PREX2: variants seen among roughly 807,000 people sequenced by gnomAD.
PREX2 encodes the protein phosphatidylinositol 3,4,5-trisphosphate-dependent Rac exchanger 2 protein.
In PREX2, 107 loss-of-function variants were observed where a neutral mutation model predicts 203.2. The ratio of observed to expected loss-of-function variants is 0.53; its 90% CI spans 0.45 to 0.62. The LOEUF is 0.62. Ranked by LOEUF, PREX2 falls within the 20% of genes least tolerant of loss-of-function variation. PREX2 has a pLI of 0.00. For missense variants in PREX2, 1,777 were observed against 1,955.9 expected (o/e 0.91, Z 1.72); for synonymous variants, 672 against 663.6 (o/e 1.01, Z -0.19).
intron 15 of PREX2, among the ~76,000 whole-genome samples, 161 bp from the exon 16 acceptor site, chr8:68,080,282 G>GAGAA (rs1554574472): frequency 2.0e-5 from 3 of 150,728 alleles, no homozygotes; most frequent in Non-Finnish European, 3.0e-5. Flanking sequence ...TATAGAAAGA[G>GAGAA]AAAAAAAACA....
intron 10 of PREX2, among the ~76,000 whole-genome samples, chr8:68,059,523 T>A (rs1808781223): frequency 6.6e-6 from 1 of 152,224 alleles, no homozygotes; most frequent in Admixed American, 6.5e-5. Flanking sequence ...TACCAAGTAA[T>A]TTAACATTTT....
intron 16 of PREX2, 24 bp from the exon 17 acceptor site, chr8:68,080,719 CAAT>C (rs753131900): frequency 6.7e-7 from 1 of 1,492,504 alleles, no homozygotes; most frequent in Admixed American, 2.0e-5. Context: ...GTTGCTTTAT[CAAT>C]AATGTTAATA....
chr8:68,077,869 GACT>G (rs1157165644), intron 15 of PREX2, among the ~76,000 whole-genome samples: 1 of 152,072 alleles, frequency 6.6e-6, no homozygotes, highest in Admixed American at 6.5e-5. Flanking sequence ...ATATGTGGTT[GACT>G]ACTGTTATTT....
intron 35 of PREX2, among the ~76,000 whole-genome samples, chr8:68,170,396 C>T (rs545780891): frequency 7.9e-5 from 12 of 152,316 alleles, no homozygotes; most frequent in East Asian, 3.9e-4. Flanking sequence ...GTAGTGAAGC[C>T]GGCCAAGGCC....
chr8:68,038,090 T>C (rs1808087753), intron 6 of PREX2, 69 bp from the exon 7 acceptor site: 3 of 1,498,902 alleles, frequency 2.0e-6, no homozygotes, highest in Non-Finnish European at 2.7e-6. Flanking sequence ...TAATTGTAAG[T>C]CGAAAAATAA....
At chr8:68,151,775 C>A (rs894584865) in intron 34 of PREX2, among the ~76,000 whole-genome samples, 2 of 148,656 alleles carry the variant, frequency 1.3e-5, no homozygotes, top group Non-Finnish European at 3.0e-5. Context: ...TTTTTTTTAA[C>A]CTCCTATGAA....
intron 1 of PREX2, among the ~76,000 whole-genome samples, chr8:67,969,080 G>C (rs1281448988): frequency 6.6e-6 from 1 of 152,190 alleles, no homozygotes; most frequent in African/African-American, 2.4e-5. Context: ...TTGTCGTGTG[G>C]CTGGGGTCAC....
intron 1 of PREX2, among the ~76,000 whole-genome samples, chr8:67,975,205 G>A (rs1806040369): frequency 6.6e-6 from 1 of 151,534 alleles, no homozygotes; most frequent in Non-Finnish European, 1.5e-5. Flanking sequence ...CCTCTAGTCG[G>A]GGCCTCTCAG....
In PREX2 at chr8:68,217,657, C is replaced by A. The variant is rs1247043509; in HGVS notation, c.4646C>A (p.Ala1549Asp). ...ACGCTGGAGCAAGCCATCATTCTGG[C>A]CAGAAGCCACGGACTGCCACCTCGT... ...SVTLEQAIIL[A>D]RSHGLPPRYI... is the part of the protein sequence containing the mutation. The change falls in exon 38 of 40, where the codon GCC becomes GAC. Residue 1549 changes from alanine (A) to aspartate (D), a missense_variant. Transcript: ENST00000288368. The A allele has an allele frequency of 4.3e-6, 7 of 1,614,136 alleles. No individual in the cohort carries two copies. Among genetic ancestry groups the A allele is most frequent in the Non-Finnish European group, 5.9e-6 (7 of 1,180,002 alleles).
intron 33 of PREX2, among the ~76,000 whole-genome samples, chr8:68,144,388 A>G (rs1490826173): frequency 6.6e-6 from 1 of 152,094 alleles, no homozygotes; most frequent in African/African-American, 2.4e-5. Flanking sequence ...AGTTTTCCTT[A>G]TATAGATCTT....
At chr8:68,000,655 A>G (rs1342875911) in intron 1 of PREX2, among the ~76,000 whole-genome samples, 2 of 152,360 alleles carry the variant, frequency 1.3e-5, no homozygotes, top group East Asian at 3.9e-4. Flanking sequence ...ATACTAAGCA[A>G]AAAGAACAAA....
At position 68,172,935 on chromosome 8, in the gene PREX2, G is replaced by C. The variant is rs138305405; in HGVS notation, c.4346+15499G>C. Among the ~76,000 whole-genome samples, 63 of 152,298 alleles carry C rather than the reference G, an allele frequency of 4.1e-4. 1 individual carries two copies. Among genetic ancestry groups the C allele is most frequent in the African/African-American group, 1.3e-3 (56 of 41,572 alleles). On this transcript the variant is annotated intron_variant, in intron 35 of 39. Coordinates refer to ENST00000288368, the MANE Select transcript of PREX2 (RefSeq NM_024870.4). ...TCAAATAGTGTGATTATTTACGACTGATTTCAAATGTATCTTCTTGCAGAA... is the reference window on the plus strand; with the variant it reads ...TCAAATAGTGTGATTATTTACGACTCATTTCAAATGTATCTTCTTGCAGAA...
intron 21 of PREX2, among the ~76,000 whole-genome samples, chr8:68,094,497 T>C (rs1392053116): frequency 2.0e-5 from 3 of 152,218 alleles, no homozygotes; most frequent in Non-Finnish European, 4.4e-5. Context: ...TACATTTATG[T>C]CTGCAATTGA....
At chr8:68,035,606 G>C (rs919227840) in intron 6 of PREX2, among the ~76,000 whole-genome samples, 1 of 152,142 alleles carries the variant, frequency 6.6e-6, no homozygotes. Flanking sequence ...GATAAATGCA[G>C]TATAAAGGAA....
chr8:68,146,129 A>G, intron 33 of PREX2, 80 bp from the exon 34 acceptor site: 1 of 964,280 alleles, frequency 1.0e-6, no homozygotes, highest in Middle Eastern at 3.2e-4. Flanking sequence ...AATTCTCAGG[A>G]TTCTTTCTGA....
chr8:68,213,015 T>C (rs1264637728), intron 37 of PREX2, among the ~76,000 whole-genome samples: 1 of 152,204 alleles, frequency 6.6e-6, no homozygotes, highest in Admixed American at 6.5e-5. Flanking sequence ...TATTACATCA[T>C]GACCTCTGGC....
intron 2 of PREX2, among the ~76,000 whole-genome samples, chr8:68,018,907 C>A (rs1230435538): frequency 6.6e-6 from 1 of 152,130 alleles, no homozygotes; most frequent in African/African-American, 2.4e-5. Flanking sequence ...AAATAACTAA[C>A]TTTAAAATTT....
intron 32 of PREX2, among the ~76,000 whole-genome samples, chr8:68,136,934 C>G (rs1171435954): frequency 6.6e-6 from 1 of 151,218 alleles, no homozygotes; most frequent in Non-Finnish European, 1.5e-5. Context: ...GAGACAGAGT[C>G]TCACTCTGTC....
intron 34 of PREX2, among the ~76,000 whole-genome samples, chr8:68,154,032 C>A (rs1219936275): frequency 6.6e-6 from 1 of 152,214 alleles, no homozygotes; most frequent in Non-Finnish European, 1.5e-5. Context: ...GTTGAACCAT[C>A]AAGATCTTTA....
Sources: gnomAD v4.1 joint callset for allele counts (sites outside exome capture counted in the v4.1 genomes callset) on GRCh38, gnomAD v4.1.1 for gene constraint, MANE v1.5 for transcripts, NCBI Gene and HGNC (gene_info 2026-07-23, HGNC 2026-07-21) for gene names.